GCKR: variants seen among roughly 807,000 people sequenced by gnomAD.
GCKR encodes glucokinase regulatory protein.
A neutral mutation model predicts 82.9 loss-of-function variants in GCKR; 73 were observed. The observed-to-expected ratio is 0.88, with a 90% CI of 0.73 to 1.07. The LOEUF is 1.07. Among genes scored for constraint, GCKR ranks in the 50% least tolerant of loss-of-function variants. The pLI is 0.00. For synonymous variants in GCKR, 294 were observed against 291.8 expected (o/e 1.01, Z -0.08); for missense variants, 784 against 782.1 (o/e 1.00, Z -0.03).
intron 17 of GCKR, among the ~76,000 whole-genome samples, chr2:27,520,111 T>G (rs902092222): frequency 6.6e-6 from 1 of 152,096 alleles, no homozygotes; most frequent in African/African-American, 2.4e-5. Flanking sequence ...TTTGATTTTT[T>G]TCATTATATA....
chr2:27,517,573 GAC>G (rs1332112371), intron 16 of GCKR, among the ~76,000 whole-genome samples: 6 of 152,176 alleles, frequency 3.9e-5, no homozygotes, highest in Admixed American at 1.3e-4. Flanking sequence ...TCTCTCTCTT[GAC>G]ACATGGGGAT....
At position 27,501,250 on chromosome 2, in the gene GCKR, G is replaced by A. The variant is rs377296724; in HGVS notation, c.644+21G>A. 4.7e-6 allele frequency: 7 copies of A among 1,495,342 alleles called. No individual in the cohort carries two copies. In the South Asian group the frequency reaches 6.8e-5, roughly 14 times the overall value. The allele number at this position is 1,495,342 out of a possible 1,614,324, so 92.6% of individuals were successfully genotyped here. On this transcript the variant is annotated intron_variant, in intron 8 of 18. Transcript: ENST00000264717. ...GCCAGGTGAGCCTTCTGGAATGACT[G>A]GGCAGCCCTGGGGCAGGCTGGAGGG...
intron 3 of GCKR, 70 bp from the exon 4 acceptor site, chr2:27,498,185 A>T: frequency 1.7e-6 from 2 of 1,200,544 alleles, no homozygotes; most frequent in Non-Finnish European, 2.5e-6. Flanking sequence ...TGCATTACTG[A>T]CAAAGAAAAG....
At position 27,505,772 on chromosome 2, in the gene GCKR, C is replaced by A; in HGVS notation, c.805C>A (p.Leu269Met). 1 of 1,612,944 alleles carries A rather than the reference C, an allele frequency of 6.2e-7. No homozygotes were observed. Among genetic ancestry groups the A allele is most frequent in the Non-Finnish European group, 8.5e-7 (1 of 1,178,910 alleles). ...RMKGGSATKI[L>M]LETLLLAAHK... ...GAAAGGTGGAAGTGCCACCAAGATT[C>A]TGCTGGAAACCCTGTTATTAGCAGC... Residue 269 changes from leucine to methionine, a missense_variant, in exon 10 of 19, where the codon CTG (leucine) becomes ATG (methionine). Transcript: ENST00000264717.
intron 16 of GCKR, among the ~76,000 whole-genome samples, chr2:27,515,940 A>ATTT (rs35843492): frequency 1.5e-5 from 2 of 131,966 alleles, no homozygotes; most frequent in African/African-American, 2.9e-5. Context: ...ATTAAACAAA[A>ATTT]TTTTTTTTTT....
chr2:27,507,632 C>T (rs1432401718), intron 13 of GCKR, 49 bp from the exon 14 acceptor site: 8 of 996,422 alleles, frequency 8.0e-6, no homozygotes, highest in African/African-American at 1.6e-5. Flanking sequence ...CAAGTCTGTG[C>T]TTTAGAGTGT....
chr2:27,503,577 G>C lies in GCKR; in HGVS notation c.708G>C (p.Met236Ile). The change falls in exon 9 of 19, where the codon ATG becomes ATC. Residue 236 changes from methionine to isoleucine, a missense_variant. Met to Ile is a conservative substitution (Grantham distance 10). Coordinates refer to ENST00000264717, the MANE Select transcript of GCKR (RefSeq NM_001486.4). ...FRQVAERMQK[M>I]QEKQKAFVLN... ...AAGTAGCAGAGCGGATGCAGAAAAT[G>C]CAGGAGAAACAGAAAGCTTTTGTGC... 6.2e-7 allele frequency: 1 copy of C among 1,611,454 alleles called. No individual in the cohort carries two copies. Among genetic ancestry groups the C allele is most frequent in the African/African-American group, 1.3e-5 (1 of 74,956 alleles).
intron 18 of GCKR, among the ~76,000 whole-genome samples, chr2:27,522,918 G>C (rs1269216431): frequency 2.1e-5 from 3 of 144,036 alleles, no homozygotes; most frequent in South Asian, 2.2e-4. Flanking sequence ...TTTTTTGAGA[G>C]AGAGTCTTGC....
intron 9 of GCKR, among the ~76,000 whole-genome samples, 187 bp downstream of exon 9, chr2:27,503,806 G>A (rs1285793672): frequency 5.3e-5 from 8 of 152,058 alleles, no homozygotes; most frequent in African/African-American, 7.2e-5. Flanking sequence ...AAGATATTTC[G>A]TCTTCATTCC....
chr2:27,514,380 C>T lies in GCKR; in HGVS notation c.1423-4408C>T, dbSNP rs188913824. ...TTTCCAACATCATCAATATATCTGC[C>T]GTCTCATTCCATTTCCATTCATGCC... On this transcript the variant is annotated intron_variant, in intron 16 of 18. Transcript: ENST00000264717. Among the ~76,000 whole-genome samples the T allele has an allele frequency of 1.7e-4, 26 of 152,096 alleles. No individual in the cohort carries two copies. The East Asian group carries it at 2.5e-3, about 15-fold the overall frequency.
At chr2:27,515,378 T>G (rs1255606191) in intron 16 of GCKR, among the ~76,000 whole-genome samples, 9 of 152,036 alleles carry the variant, frequency 5.9e-5, no homozygotes, top group Non-Finnish European at 5.9e-5. Flanking sequence ...TGGGCTCTGG[T>G]GATCATCCCA....
At chr2:27,518,202 C>G (rs938333123) in intron 16 of GCKR, among the ~76,000 whole-genome samples, 1 of 152,100 alleles carries the variant, frequency 6.6e-6, no homozygotes, top group African/African-American at 2.4e-5. Context: ...TATGCCACCA[C>G]TCCTAGCTAA....
intron 16 of GCKR, chr2:27,509,516 T>G (rs1669828256): frequency 2.2e-6 from 1 of 445,102 alleles, no homozygotes; most frequent in Non-Finnish European, 4.6e-6. Flanking sequence ...ATTTTTGTAT[T>G]TTTTTTGTAG....
At chr2:27,505,403 C>CAAAAAAAAAAA (rs200176153) in intron 9 of GCKR, among the ~76,000 whole-genome samples, 1 of 54,520 alleles carries the variant, frequency 1.8e-5, no homozygotes, top group Non-Finnish European at 4.0e-5. Context: ...GACTCCATCT[C>CAAAAAAAAAAA]AAAAAAAAAA....
chr2:27,503,690 C>A (rs949710682), intron 9 of GCKR, 71 bp downstream of exon 9: 10 of 798,820 alleles, frequency 1.3e-5, no homozygotes, highest in Non-Finnish European at 2.0e-5. Flanking sequence ...TTCCTTGGGG[C>A]CTCTGATTTT....
chr2:27,517,044 C>A (rs1670027791), intron 16 of GCKR, among the ~76,000 whole-genome samples: 2 of 142,788 alleles, frequency 1.4e-5, no homozygotes, highest in African/African-American at 5.3e-5. Flanking sequence ...TATGGAGTCT[C>A]ATTCTGTCGC....
At chr2:27,498,178 A>G (rs1459617169) in intron 3 of GCKR, 77 bp from the exon 4 acceptor site, 10 of 1,114,230 alleles carry the variant, frequency 9.0e-6, no homozygotes, top group East Asian at 2.4e-5. Flanking sequence ...TTCCTCTTGC[A>G]TTACTGACAA....
intron 1 of GCKR, 109 bp from the exon 2 acceptor site, chr2:27,497,133 TGC>T: frequency 7.7e-7 from 1 of 1,304,784 alleles, no homozygotes; most frequent in Non-Finnish European, 1.1e-6. Context: ...GGTATGTGTG[TGC>T]GTGTGTGTAA....
At chr2:27,506,682 T>G in intron 11 of GCKR, 103 bp downstream of exon 11, 1 of 1,094,356 alleles carries the variant, frequency 9.1e-7, no homozygotes, top group South Asian at 1.2e-5. Context: ...GCGATAGGAT[T>G]GCATGTTGAA....
Sources: gnomAD v4.1 joint callset for allele counts (sites outside exome capture counted in the v4.1 genomes callset) on GRCh38, gnomAD v4.1.1 for gene constraint, MANE v1.5 for transcripts, NCBI Gene and HGNC (gene_info 2026-07-23, HGNC 2026-07-21) for gene names.